The following IPO7 variants were observed in gnomAD, a reference collection of about 807,000 sequenced individuals.
IPO7 encodes importin 7.
Under a neutral mutation model 136.4 loss-of-function variants are expected in IPO7, and 13 were observed. The observed-to-expected ratio is 0.10, with a 90% CI of 0.06 to 0.15. The LOEUF (loss-of-function observed/expected upper bound fraction) is 0.15. Among genes scored for constraint, IPO7 ranks in the 10% least tolerant of loss-of-function variants. The pLI is 1.00. For missense variants in IPO7, 857 were observed against 1,240.6 expected (o/e 0.69, Z 4.65); for synonymous variants, 403 against 404.4 (o/e 1.00, Z 0.04).
At chr11:9,433,209 C>T (rs796068126) in intron 16 of IPO7, 1 of 197,156 alleles carries the variant, frequency 5.1e-6, no homozygotes. Flanking sequence ...TGGTTGCAAA[C>T]TCCTGACCTC....
chr11:9,432,201 CTTTT>C (rs557417149), intron 16 of IPO7, among the ~76,000 whole-genome samples: 2 of 134,840 alleles, frequency 1.5e-5, no homozygotes, highest in Non-Finnish European at 3.2e-5. Context: ...TTTCACTAAA[CTTTT>C]TTTTTTTTTT....
intron 2 of IPO7, among the ~76,000 whole-genome samples, chr11:9,405,266 C>A (rs969225345): frequency 2.0e-5 from 3 of 152,102 alleles, no homozygotes; most frequent in Non-Finnish European, 2.9e-5. Flanking sequence ...GCTCCGCCTC[C>A]CAGGTTCACG....
chr11:9,429,757 A>C lies in IPO7; in HGVS notation c.1675A>C (p.Thr559Pro), dbSNP rs1565001759. 1 of 1,604,170 alleles carries C rather than the reference A, an allele frequency of 6.2e-7. No individual in the cohort carries two copies. The highest frequency in any genetic ancestry group is 8.5e-7 in the Non-Finnish European group (1 of 1,173,226). Residue 559 changes from threonine to proline, a missense_variant, in exon 15 of 25, where the codon ACC (threonine) becomes CCC (proline). Thr to Pro is a conservative substitution (Grantham distance 38, BLOSUM62 -1). This residue lies in a region of IPO7 where 58 missense variants were observed against 122.1 expected (regional missense o/e 0.47). Transcript: ENST00000379719. The stretch of plus-strand genomic sequence containing the variant: ...AAGAGAAACAGAAAATGATGACCTT[A>C]CCAATGTAATTCAGAAAATGATCTG... ...IIRETENDDL[T>P]NVIQKMICEY...
intron 1 of IPO7, among the ~76,000 whole-genome samples, chr11:9,398,671 C>T (rs1316668007): frequency 1.3e-5 from 2 of 152,126 alleles, no homozygotes; most frequent in South Asian, 2.1e-4. Flanking sequence ...TATACAACAA[C>T]GTAATGATCA....
chr11:9,405,573 C>T lies in IPO7; in HGVS notation c.166+2202C>T, dbSNP rs1316298695. ...GAGTAGCTGGGACTGTAGGCACGTA[C>T]CATCATGCCCTGATAATTGTTGTAT... On this transcript the variant is annotated intron_variant, in intron 2 of 24. Transcript: ENST00000379719. Among the ~76,000 whole-genome samples, 3 of 152,212 alleles carry T rather than the reference C, an allele frequency of 2.0e-5. No individual in the cohort carries two copies. The East Asian group carries it at 5.8e-4, about 29-fold the overall frequency.
chr11:9,432,480 C>T (rs1320971364), intron 16 of IPO7, among the ~76,000 whole-genome samples: 3 of 152,172 alleles, frequency 2.0e-5, no homozygotes, highest in Admixed American at 6.5e-5. Context: ...AAATTACAGG[C>T]GTGAGCCACC....
Position 9,423,958 on chromosome 11 carries a change from A to G in IPO7, c.1141+82A>G, listed in dbSNP as rs943316418. 4.1e-6 allele frequency: 3 copies of G among 733,338 alleles called. No homozygotes were observed. The African/African-American group carries it at 5.3e-5, about 13-fold the overall frequency. The allele number at this position is 733,338 out of a possible 1,614,324, so 45.4% of individuals were successfully genotyped here. ...ATTGCATGTAGCCAACCTAGGGGGT[A>G]TTATGTATCTTCTTTGTTGTTTTAA... On this transcript the variant is annotated intron_variant, in intron 10 of 24. Coordinates refer to ENST00000379719, the MANE Select transcript of IPO7 (RefSeq NM_006391.3).
intron 4 of IPO7, among the ~76,000 whole-genome samples, chr11:9,413,804 A>C (rs1282361984): frequency 6.6e-6 from 1 of 151,922 alleles, no homozygotes; most frequent in South Asian, 2.1e-4. Flanking sequence ...GTATTTGATT[A>C]TATTTGTGTG....
At chr11:9,398,667 A>G (rs1269775019) in intron 1 of IPO7, among the ~76,000 whole-genome samples, 1 of 152,266 alleles carries the variant, frequency 6.6e-6, no homozygotes, top group Non-Finnish European at 1.5e-5. Context: ...CATGTATACA[A>G]CAACGTAATG....
chr11:9,435,819 C>T (rs1039340435), intron 19 of IPO7, among the ~76,000 whole-genome samples: 2 of 152,172 alleles, frequency 1.3e-5, no homozygotes, highest in Non-Finnish European at 2.9e-5. Context: ...TTCCTCCCTC[C>T]GTTCCTCTCT....
At position 9,446,601 on chromosome 11, in the gene IPO7, T is replaced by C. The variant is rs1855532275; in HGVS notation, c.*1407T>C. 1 of 152,202 alleles carries C rather than the reference T, an allele frequency of 6.6e-6. No individual in the cohort carries two copies. The highest frequency in any genetic ancestry group is 2.1e-4 in the South Asian group (1 of 4,832). 9.4% of individuals were successfully genotyped at this position (152,202 alleles called of 1,614,324 possible). On this transcript the variant is annotated 3_prime_UTR_variant, in exon 25 of 25. Transcript: ENST00000379719. ...GTCATACATTGGGTTATTTTTTATA[T>C]ACATGTATACACAAAATATTTCAAA...
intron 19 of IPO7, among the ~76,000 whole-genome samples, chr11:9,436,011 G>A (rs1259477521): frequency 1.3e-5 from 2 of 152,172 alleles, no homozygotes; most frequent in African/African-American, 4.8e-5. Context: ...GGCACTACAG[G>A]ATAGGTGCTT....
intron 1 of IPO7, among the ~76,000 whole-genome samples, chr11:9,386,041 T>A (rs1239689349): frequency 6.6e-6 from 1 of 152,206 alleles, no homozygotes; most frequent in African/African-American, 2.4e-5. Context: ...AAGTAAATAA[T>A]TTAAAAACAT....
chr11:9,391,911 C>T (rs769279504), intron 1 of IPO7, among the ~76,000 whole-genome samples: 9 of 152,006 alleles, frequency 5.9e-5, no homozygotes, highest in Non-Finnish European at 1.2e-4. Context: ...GGACTACAGG[C>T]GTGCACCACC....
intron 24 of IPO7, 67 bp from the exon 25 acceptor site, chr11:9,445,029 GT>G: frequency 1.0e-6 from 1 of 982,660 alleles, no homozygotes; most frequent in Non-Finnish European, 1.6e-6. Context: ...CTTGTTTAAT[GT>G]TTTGTCAGTT....
At chr11:9,420,563 G>A in intron 7 of IPO7, 51 bp from the exon 8 acceptor site, 1 of 1,554,662 alleles carries the variant, frequency 6.4e-7, no homozygotes. Context: ...GCTTTAAAGT[G>A]CTAGCATAAA....
intron 23 of IPO7, among the ~76,000 whole-genome samples, chr11:9,441,443 A>T (rs1855458492): frequency 6.6e-6 from 1 of 152,342 alleles, no homozygotes; most frequent in South Asian, 2.1e-4. Context: ...AATTGCTGTT[A>T]TATATCATTT....
rs1440998503 is a variant in IPO7 at position 9,446,106 on chromosome 11, A to G, written c.*912A>G. The G allele has an allele frequency of 2.0e-5, 3 of 152,202 alleles. No individual in the cohort carries two copies. Among genetic ancestry groups the G allele is most frequent in the African/African-American group, 7.2e-5 (3 of 41,450 alleles). 9.4% of individuals were successfully genotyped at this position (152,202 alleles called of 1,614,324 possible). ...TGAATACCAGACCTTACTGTAAAAA[A>G]TAAAAAAGGTGGTATCTAGAGCATG... On this transcript the variant is annotated 3_prime_UTR_variant, in exon 25 of 25. Transcript: ENST00000379719.
At chr11:9,416,478 T>C (rs1323350953) in intron 5 of IPO7, among the ~76,000 whole-genome samples, 3 of 152,192 alleles carry the variant, frequency 2.0e-5, no homozygotes, top group African/African-American at 4.8e-5. Flanking sequence ...CAAAATACTT[T>C]CTCAACTCAT....
Sources: allele counts gnomAD v4.1 joint callset (sites outside exome capture counted in the v4.1 genomes callset), GRCh38; gene constraint gnomAD v4.1.1; regional missense constraint gnomAD v4.1.1; transcripts MANE v1.5; gene names NCBI Gene and HGNC (gene_info 2026-07-23, HGNC 2026-07-21).